Variants in SPTLC3 observed in about 807,000 individuals in gnomAD.
SPTLC3 encodes serine palmitoyltransferase long chain base subunit 3.
A neutral mutation model predicts 59.3 loss-of-function variants in SPTLC3; 36 were observed. That is an observed-to-expected ratio of 0.61 (90% CI 0.47 to 0.80). The LOEUF (loss-of-function observed/expected upper bound fraction) is 0.80. Ranked by LOEUF, SPTLC3 falls within the 30% of genes least tolerant of loss-of-function variation. The pLI is 0.00. For missense variants in SPTLC3, 625 were observed against 685.1 expected, an observed-to-expected ratio of 0.91 and a Z score of 0.98; for synonymous variants, 257 against 240.8, an observed-to-expected ratio of 1.07 and a Z score of -0.62.
intron 10 of SPTLC3, among the ~76,000 whole-genome samples, chr20:13,159,764 G>T (rs1000174653): frequency 6.6e-6 from 1 of 152,078 alleles, no homozygotes; most frequent in African/African-American, 2.4e-5. Context: ...TAATGAGTGT[G>T]TCAGACCCAT....
At chr20:13,044,374 T>C (rs749215846) in intron 1 of SPTLC3, among the ~76,000 whole-genome samples, 2 of 152,140 alleles carry the variant, frequency 1.3e-5, no homozygotes, top group Non-Finnish European at 2.9e-5. Flanking sequence ...AGTGCTGGGA[T>C]TACAGGCATG....
At chr20:13,086,622 T>C (rs1273560811) in intron 4 of SPTLC3, among the ~76,000 whole-genome samples, 2 of 152,216 alleles carry the variant, frequency 1.3e-5, no homozygotes, top group East Asian at 3.9e-4. Context: ...GTGAGACATC[T>C]GGTCATAGAA....
chr20:13,095,723 C>A (rs569141143), intron 6 of SPTLC3, among the ~76,000 whole-genome samples: 6 of 152,002 alleles, frequency 3.9e-5, no homozygotes, highest in African/African-American at 7.2e-5. Flanking sequence ...ATTTTTTGAA[C>A]CTCCTTTAAT....
At chr20:13,049,777 C>T (rs1310939200) in intron 2 of SPTLC3, 1 of 152,228 alleles carries the variant, frequency 6.6e-6, no homozygotes, top group Non-Finnish European at 1.5e-5. Flanking sequence ...CATCACAGGA[C>T]TCTGTGGAGA....
chr20:13,052,171 C>T (rs906054515), intron 2 of SPTLC3, among the ~76,000 whole-genome samples: 12 of 152,084 alleles, frequency 7.9e-5, no homozygotes, highest in Non-Finnish European at 1.8e-4. Context: ...AACTGAGGTA[C>T]GGGGCTCATC....
chr20:13,139,328 T>G (rs1474347498), intron 9 of SPTLC3, among the ~76,000 whole-genome samples: 2 of 152,208 alleles, frequency 1.3e-5, no homozygotes, highest in African/African-American at 4.8e-5. Context: ...TTGGTATTAG[T>G]TAAGTTATGT....
intron 4 of SPTLC3, among the ~76,000 whole-genome samples, chr20:13,078,523 T>C (rs959271047): frequency 3.3e-5 from 5 of 152,052 alleles, no homozygotes. Flanking sequence ...ATACTAGAAG[T>C]ATTTATTTTA....
intron 2 of SPTLC3, among the ~76,000 whole-genome samples, chr20:13,061,432 T>C (rs1987970328): frequency 6.6e-6 from 1 of 152,200 alleles, no homozygotes; most frequent in Admixed American, 6.5e-5. Context: ...CTCATATACT[T>C]GGCCTTCCAC....
chr20:13,097,657 C>A (rs975439028), intron 6 of SPTLC3, among the ~76,000 whole-genome samples: 7 of 152,006 alleles, frequency 4.6e-5, no homozygotes, highest in Non-Finnish European at 8.8e-5. Flanking sequence ...GATATGATAC[C>A]CTAAAAAGCC....
At chr20:13,074,097 T>A (rs1988551222) in intron 3 of SPTLC3, 1 of 668,282 alleles carries the variant, frequency 1.5e-6, no homozygotes. Flanking sequence ...GTTCATCCTT[T>A]TCCAGCTTCC....
At chr20:13,157,499 G>T (rs2038801892) in intron 10 of SPTLC3, among the ~76,000 whole-genome samples, 1 of 152,084 alleles carries the variant, frequency 6.6e-6, no homozygotes, top group Admixed American at 6.5e-5. Context: ...AGAATTCAAA[G>T]CCAGTTCCAT....
At chr20:13,067,840 A>T (rs1430936726) in intron 2 of SPTLC3, among the ~76,000 whole-genome samples, 2 of 152,236 alleles carry the variant, frequency 1.3e-5, no homozygotes, top group African/African-American at 4.8e-5. Context: ...AAAATACAGT[A>T]TTCGGTGAGA....
intron 9 of SPTLC3, among the ~76,000 whole-genome samples, chr20:13,134,864 G>T (rs1285077540): frequency 1.3e-5 from 2 of 152,206 alleles, no homozygotes; most frequent in African/African-American, 4.8e-5. Context: ...CTTTAAATCT[G>T]TGTTTAAACC....
At chr20:13,134,219 T>A (rs919958091) in intron 9 of SPTLC3, among the ~76,000 whole-genome samples, 1 of 152,212 alleles carries the variant, frequency 6.6e-6, no homozygotes, top group Non-Finnish European at 1.5e-5. Context: ...GTCTCAGTTA[T>A]GTCGTGATGC....
rs548647688 is a variant in SPTLC3 at position 13,148,862 on chromosome 20, C to T, written c.1280-5141C>T. On this transcript the variant is annotated intron_variant, in intron 9 of 11. Transcript: ENST00000399002. The stretch of plus-strand genomic sequence containing the variant: ...ACTGAGGCTGCAGAGAACTATTGCC[C>T]AGCAGAAAATGGCAATTCCCCTTTC... Among the ~76,000 whole-genome samples the T allele has an allele frequency of 2.0e-5, 3 of 152,320 alleles. No homozygotes were observed. The East Asian group carries it at 5.8e-4, about 29-fold the overall frequency.
At chr20:13,124,485 A>G (rs888503107) in intron 8 of SPTLC3, among the ~76,000 whole-genome samples, 3 of 152,068 alleles carry the variant, frequency 2.0e-5, no homozygotes, top group Non-Finnish European at 4.4e-5. Flanking sequence ...GAAGGAAGCT[A>G]GAAGGAAAGG....
At chr20:13,028,375 G>GT (rs571977759) in intron 1 of SPTLC3, among the ~76,000 whole-genome samples, 3 of 151,994 alleles carry the variant, frequency 2.0e-5, no homozygotes, top group East Asian at 3.9e-4. Flanking sequence ...AGACCTGTGA[G>GT]TTTTTTTTAA....
intron 6 of SPTLC3, among the ~76,000 whole-genome samples, chr20:13,108,995 T>C (rs993708531): frequency 6.6e-6 from 1 of 152,156 alleles, no homozygotes; most frequent in African/African-American, 2.4e-5. Flanking sequence ...ATGCAAAAAA[T>C]ACACAGTACA....
chr20:13,065,968 A>G, intron 2 of SPTLC3, among the ~76,000 whole-genome samples: 1 of 152,246 alleles, frequency 6.6e-6, no homozygotes. Flanking sequence ...AGTATACAAT[A>G]TATTATTAAC....
Sources: allele counts gnomAD v4.1 joint callset (sites outside exome capture counted in the v4.1 genomes callset), GRCh38; gene constraint gnomAD v4.1.1; transcripts MANE v1.5; gene names NCBI Gene and HGNC (gene_info 2026-07-23, HGNC 2026-07-21).